Variants in FMNL2 observed in about 807,000 individuals in gnomAD.
FMNL2 encodes the protein formin like 2, also known as formin-like protein 2.
A neutral mutation model predicts 130.2 loss-of-function variants in FMNL2; 51 were observed. The observed-to-expected ratio is 0.39, with a 90% CI of 0.31 to 0.49. The LOEUF (loss-of-function observed/expected upper bound fraction) is 0.49, where lower values mean the gene tolerates loss of function less well. FMNL2 is among the 20% of genes least tolerant of loss of function. FMNL2 has a pLI of 0.85. For missense variants in FMNL2, 977 were observed against 1,316.2 expected, an observed-to-expected ratio of 0.74 and a Z score of 3.99; for synonymous variants, 465 against 467.1, an observed-to-expected ratio of 1.00 and a Z score of 0.06.
chr2:152,617,150 A>G lies in FMNL2; in HGVS notation c.1272A>G (p.Glu424=). 6.2e-7 allele frequency: 1 copy of G among 1,614,048 alleles called. No homozygotes were observed. The highest frequency in any genetic ancestry group is 1.1e-5 in the South Asian group (1 of 91,090). Residue 424 remains glutamate (E), a synonymous_variant, in exon 13 of 26, where the codon GAA becomes GAG. Transcript: ENST00000288670. The part of the protein sequence containing the change: ...NEAMSKIVEL[E]KQLMQRNKEL... ...CCATGTCCAAGATTGTGGAACTGGA[A>G]AAGCAACTCATGCAGAGGAACAAGG...
chr2:152,541,800 T>G (rs1378095017), intron 2 of FMNL2, among the ~76,000 whole-genome samples: 3 of 152,090 alleles, frequency 2.0e-5, no homozygotes, highest in Admixed American at 6.6e-5. Flanking sequence ...GTGAGATCCA[T>G]TCATAGGAGC....
At chr2:152,425,640 C>A (rs972595233) in intron 1 of FMNL2, among the ~76,000 whole-genome samples, 1 of 152,152 alleles carries the variant, frequency 6.6e-6, no homozygotes, top group African/African-American at 2.4e-5. Flanking sequence ...TATGCCAGAA[C>A]CACTTAAAGT....
intron 4 of FMNL2, among the ~76,000 whole-genome samples, chr2:152,552,004 T>TA (rs916474479): frequency 6.6e-6 from 1 of 152,176 alleles, no homozygotes; most frequent in Non-Finnish European, 1.5e-5. Context: ...TCTCTAAAAA[T>TA]AAAAAATCGG....
chr2:152,645,410 G>GTGT (rs1559038063), intron 25 of FMNL2: 2 of 1,242,818 alleles, frequency 1.6e-6, no homozygotes, highest in South Asian at 2.5e-5. Flanking sequence ...CCATCATTTT[G>GTGT]TGTTTTTGTT....
chr2:152,360,485 C>G (rs1683100191), intron 1 of FMNL2, among the ~76,000 whole-genome samples: 1 of 152,094 alleles, frequency 6.6e-6, no homozygotes, highest in East Asian at 1.9e-4. Context: ...TACCCACCAC[C>G]ATGACCAGCT....
intron 1 of FMNL2, among the ~76,000 whole-genome samples, chr2:152,499,510 A>T (rs1691692402): frequency 6.6e-6 from 1 of 151,668 alleles, no homozygotes; most frequent in South Asian, 2.1e-4. Flanking sequence ...AGGCCACCTA[A>T]AATCTAAATC....
chr2:152,336,089 A>G (rs1163178073), intron 1 of FMNL2, among the ~76,000 whole-genome samples: 18 of 102,218 alleles, frequency 1.8e-4, no homozygotes, highest in South Asian at 5.6e-4. Flanking sequence ...CTTTTTTTTT[A>G]AAAAAAACAA....
intron 1 of FMNL2, among the ~76,000 whole-genome samples, chr2:152,341,067 A>C (rs1026622030): frequency 2.0e-5 from 3 of 152,196 alleles, no homozygotes; most frequent in Admixed American, 6.5e-5. Flanking sequence ...CAAGGAAAGC[A>C]CTTGCCATAA....
chr2:152,619,633 T>C lies in FMNL2; in HGVS notation c.1752T>C (p.Ala584=). 7.2e-7 allele frequency: 1 copy of C among 1,392,374 alleles called. No individual in the cohort carries two copies. Among genetic ancestry groups the C allele is most frequent in the Non-Finnish European group, 9.6e-7 (1 of 1,045,848 alleles). 86.3% of individuals were successfully genotyped at this position (1,392,374 alleles called of 1,614,324 possible). A position where few individuals can be genotyped will look rare whatever the true frequency, so the allele number is the denominator to read the frequency against. Residue 584 remains alanine (A), a synonymous_variant, in exon 15 of 26, where the codon GCT becomes GCC. Transcript: ENST00000288670. ...GCCCTGCAGCTGAGACTGTACCAGC[T>C]CCTCCCTTAGCACCTCCCCTTCCCT... ...LPGPAAETVP[A]PPLAPPLPSA... is the part of the protein sequence containing the mutation.
chr2:152,449,825 T>C (rs889711816), intron 1 of FMNL2, among the ~76,000 whole-genome samples: 1 of 152,256 alleles, frequency 6.6e-6, no homozygotes, highest in African/African-American at 2.4e-5. Flanking sequence ...AAAGCATTAA[T>C]GTGGCTACAT....
At chr2:152,553,804 CA>C (rs955383223) in intron 4 of FMNL2, among the ~76,000 whole-genome samples, 96 of 148,612 alleles carry the variant, frequency 6.5e-4, no homozygotes, top group African/African-American at 1.9e-3. Flanking sequence ...TCTTCAAATC[CA>C]AAAAAAAATT....
In FMNL2 at chr2:152,335,543, C is replaced by G; in HGVS notation, c.-61C>G. On this transcript the variant is annotated 5_prime_UTR_variant, in exon 1 of 26. Transcript: ENST00000288670. ...CGGCAGCCGACCGCCGGGAGCTGTTCTGATTTCCGACGCGCACGCTAGGGG... is the reference window on the plus strand; with the variant it reads ...CGGCAGCCGACCGCCGGGAGCTGTTGTGATTTCCGACGCGCACGCTAGGGG... The G allele has an allele frequency of 7.0e-7, 1 of 1,434,396 alleles. No homozygotes were observed. The highest frequency in any genetic ancestry group is 9.5e-7 in the Non-Finnish European group (1 of 1,050,154). The allele number at this position is 1,434,396 out of a possible 1,614,324, so 88.9% of individuals were successfully genotyped here.
chr2:152,390,115 T>C lies in FMNL2; in HGVS notation c.117+54395T>C, dbSNP rs1685020525. ...GAAGATGAGGAGGACAAAGGAAAACTGAAGCCCAACCTAGGCAACGGGGCA... is the reference window on the plus strand; with the variant it reads ...GAAGATGAGGAGGACAAAGGAAAACCGAAGCCCAACCTAGGCAACGGGGCA... On this transcript the variant is annotated intron_variant, in intron 1 of 25. Coordinates refer to ENST00000288670, the MANE Select transcript of FMNL2 (RefSeq NM_052905.4). 8 of 1,379,112 alleles carry C rather than the reference T, an allele frequency of 5.8e-6. No individual in the cohort carries two copies. In the Admixed American group the frequency reaches 1.3e-4, roughly 23 times the overall value. 85.4% of individuals were successfully genotyped at this position (1,379,112 alleles called of 1,614,324 possible). A position where few individuals can be genotyped will look rare whatever the true frequency, so the allele number is the denominator to read the frequency against.
chr2:152,491,060 T>G (rs536845167), intron 1 of FMNL2, among the ~76,000 whole-genome samples: 1 of 152,100 alleles, frequency 6.6e-6, no homozygotes, highest in Non-Finnish European at 1.5e-5. Context: ...GCCCAGGTGG[T>G]TGGGTGATGC....
Position 152,628,432 on chromosome 2 carries a change from C to A in FMNL2, c.2299C>A (p.Arg767=). ...KPLENLSDED[R]FMMQFSKIER... is the part of the protein sequence containing the mutation. ...TCTGGAAAACTTGTCAGATGAAGAT[C>A]GGTTCATGATGCAGTTTAGTAAAAT... The change falls in exon 18 of 26, where the codon CGG becomes AGG. Residue 767 remains arginine (R), a synonymous_variant. Transcript: ENST00000288670. 1 of 1,613,988 alleles carries A rather than the reference C, an allele frequency of 6.2e-7. No homozygotes were observed. The highest frequency in any genetic ancestry group is 8.5e-7 in the Non-Finnish European group (1 of 1,179,886).
intron 1 of FMNL2, among the ~76,000 whole-genome samples, chr2:152,481,257 G>C (rs1690503254): frequency 1.3e-5 from 2 of 152,150 alleles, no homozygotes; most frequent in Admixed American, 6.5e-5. Flanking sequence ...TGCTTACCTA[G>C]TTTACTCGCC....
chr2:152,531,587 G>T (rs1289738737), intron 2 of FMNL2, among the ~76,000 whole-genome samples: 1 of 151,592 alleles, frequency 6.6e-6, no homozygotes, highest in Non-Finnish European at 1.5e-5. Context: ...TGATTCTCCT[G>T]CCTCCTGCCT....
At chr2:152,561,891 A>G (rs935926136) in intron 6 of FMNL2, among the ~76,000 whole-genome samples, 3 of 152,046 alleles carry the variant, frequency 2.0e-5, no homozygotes, top group Non-Finnish European at 2.9e-5. Flanking sequence ...TGTCAACCTT[A>G]TATTTTCTCC....
intron 25 of FMNL2, among the ~76,000 whole-genome samples, chr2:152,646,642 G>C (rs13020285): frequency 0.97 from 147,342 of 152,206 alleles, 71,495 homozygotes; most frequent in East Asian, 1. Context: ...TCCATCAGCT[G>C]CATTTTCAAC....
Sources: allele counts gnomAD v4.1 joint callset (sites outside exome capture counted in the v4.1 genomes callset), GRCh38; gene constraint gnomAD v4.1.1; transcripts MANE v1.5; gene names NCBI Gene and HGNC (gene_info 2026-07-23, HGNC 2026-07-21).